The following PTPRG variants were observed in gnomAD, a reference collection of about 807,000 sequenced individuals.
PTPRG encodes protein tyrosine phosphatase receptor type G, also known as receptor-type tyrosine-protein phosphatase gamma.
In PTPRG, 102 loss-of-function variants were observed where a neutral mutation model predicts 165.3. That is an observed-to-expected ratio of 0.62 (90% CI 0.53 to 0.73). The LOEUF (loss-of-function observed/expected upper bound fraction) is 0.73, where lower values mean the gene tolerates loss of function less well. PTPRG is among the 30% of genes least tolerant of loss of function. The pLI, the probability that PTPRG is intolerant of heterozygous loss-of-function variation, is 0.00. For synonymous variants in PTPRG, 675 were observed against 669.5 expected (o/e 1.01, Z -0.13); for missense variants, 1,866 against 1,861.4 (o/e 1.00, Z -0.05).
Position 62,210,259 on chromosome 3 carries a change from A to G in PTPRG, c.2155+6309A>G, listed in dbSNP as rs979093009. 6.6e-6 allele frequency among the ~76,000 whole-genome samples: 1 copy of G among 152,334 alleles called. No homozygotes were observed. The highest frequency in any genetic ancestry group is 2.4e-5 in the African/African-American group (1 of 41,584). ...AGCCAGTGTCCTGTTGCAAGAGAAC[A>G]TATTTATTTGTAACTGATGAACAAT... On this transcript the variant is annotated intron_variant, in intron 12 of 29. Transcript: ENST00000474889. This position sits in a 1 kb window ranked among gnomAD's most constrained non-coding sequence, Gnocchi z 4.1.
chr3:62,027,052 G>GAGTC (rs2041821456), intron 4 of PTPRG, among the ~76,000 whole-genome samples: 1 of 152,022 alleles, frequency 6.6e-6, no homozygotes, highest in African/African-American at 2.4e-5. Flanking sequence ...AAATCATTTA[G>GAGTC]AGTCAGTATA....
At chr3:61,564,375 G>T (rs997281319) in intron 1 of PTPRG, among the ~76,000 whole-genome samples, 1 of 152,144 alleles carries the variant, frequency 6.6e-6, no homozygotes, top group East Asian at 1.9e-4. Flanking sequence ...GCAGTCAGTG[G>T]GCTGACCGTG....
chr3:62,259,912 G>C (rs877900), intron 16 of PTPRG, among the ~76,000 whole-genome samples: 24,941 of 152,106 alleles, frequency 0.16, 2,351 homozygotes, highest in Non-Finnish European at 0.2. Flanking sequence ...TGGGAAGGGT[G>C]GGGAAGATAA....
intron 2 of PTPRG, among the ~76,000 whole-genome samples, chr3:61,944,222 C>T (rs1159154056): frequency 2.0e-5 from 3 of 152,188 alleles, no homozygotes; most frequent in African/African-American, 7.2e-5. Context: ...CGAAGCCTCC[C>T]TAAACATTGC....
chr3:62,191,738 C>G, intron 9 of PTPRG, 85 bp downstream of exon 9: 1 of 1,326,394 alleles, frequency 7.5e-7, no homozygotes. Context: ...GCACAGTGTG[C>G]CAGCTCTGTG....
At chr3:61,828,362 A>C (rs899952741) in intron 2 of PTPRG, among the ~76,000 whole-genome samples, 6 of 152,246 alleles carry the variant, frequency 3.9e-5, no homozygotes, top group Admixed American at 3.3e-4. Context: ...CATGTGTTGC[A>C]CAACTATAAC....
At chr3:62,267,351 A>C (rs949705367) in intron 17 of PTPRG, 59 bp from the exon 18 acceptor site, 159 of 1,270,154 alleles carry the variant, frequency 1.3e-4, no homozygotes, top group Non-Finnish European at 1.7e-4. Flanking sequence ...GTGCTTTAGA[A>C]TGGTGCTAGT....
intron 1 of PTPRG, among the ~76,000 whole-genome samples, chr3:61,643,433 G>T (rs558474611): frequency 1.4e-4 from 21 of 152,126 alleles, no homozygotes; most frequent in Non-Finnish European, 2.6e-4. Flanking sequence ...CAAAATTAGG[G>T]GAGAGTTGTT....
rs1702501276 is a variant in PTPRG, at chr3:62,282,750, G to A, written c.3936G>A (p.Arg1312=). The change falls in exon 28 of 30, where the codon CGG becomes CGA. Residue 1312 remains arginine (R), a synonymous_variant. Coordinates refer to ENST00000474889, the MANE Select transcript of PTPRG (RefSeq NM_002841.4). ...AGGATGACTATGTCTTAGAAGTTCG[G>A]CACTTTCAGTGTCCCAAATGGCCTA... is the stretch of plus-strand genomic sequence containing the variant. ...ATQDDYVLEV[R]HFQCPKWPNP... is the part of the protein sequence containing the mutation. 6.2e-7 allele frequency: 1 copy of A among 1,611,634 alleles called. No individual in the cohort carries two copies. The highest frequency in any genetic ancestry group is 1.7e-5 in the Admixed American group (1 of 59,610).
chr3:61,650,519 A>G (rs996059749), intron 1 of PTPRG, among the ~76,000 whole-genome samples: 18 of 152,202 alleles, frequency 1.2e-4, no homozygotes, highest in African/African-American at 4.1e-4. Flanking sequence ...TTATCCAACC[A>G]TTGGATGTGC....
At chr3:61,893,761 C>T (rs554160744) in intron 2 of PTPRG, among the ~76,000 whole-genome samples, 1 of 152,288 alleles carries the variant, frequency 6.6e-6, no homozygotes, top group South Asian at 2.1e-4. Flanking sequence ...GTTGATTGGA[C>T]TTGGATTCTT....
At chr3:61,562,463 C>A in intron 1 of PTPRG, 91 bp downstream of exon 1, 2 of 1,256,292 alleles carry the variant, frequency 1.6e-6, no homozygotes, top group South Asian at 1.2e-5. Context: ...CGGCGCCCGT[C>A]CGGGAGACCC....
At chr3:61,682,379 A>G (rs1053295387) in intron 1 of PTPRG, among the ~76,000 whole-genome samples, 5 of 152,188 alleles carry the variant, frequency 3.3e-5, no homozygotes, top group African/African-American at 1.2e-4. Flanking sequence ...TGGTTGAGGA[A>G]TAAATATGTG....
chr3:62,100,060 G>A (rs1576002452), intron 5 of PTPRG, among the ~76,000 whole-genome samples: 1 of 152,126 alleles, frequency 6.6e-6, no homozygotes, highest in Middle Eastern at 3.4e-3. Context: ...GCCTCCCAAA[G>A]TGGATAAATC....
chr3:61,808,452 T>C (rs774691312), intron 2 of PTPRG, among the ~76,000 whole-genome samples: 9 of 152,040 alleles, frequency 5.9e-5, no homozygotes, highest in Non-Finnish European at 1.2e-4. Context: ...ATAAATCATA[T>C]GTAGGTGGGC....
intron 15 of PTPRG, among the ~76,000 whole-genome samples, chr3:62,250,849 T>C (rs1036261481): frequency 1.3e-5 from 2 of 152,136 alleles, no homozygotes; most frequent in African/African-American, 4.8e-5. Context: ...CAAAAGTACA[T>C]AAGAAGGTTT....
chr3:61,596,712 T>C (rs191367665), intron 1 of PTPRG, among the ~76,000 whole-genome samples: 3 of 152,250 alleles, frequency 2.0e-5, no homozygotes, highest in African/African-American at 7.2e-5. Context: ...GTTTCCTTTT[T>C]CACAAGTAGA....
At position 62,009,651 on chromosome 3, in the gene PTPRG, G is replaced by A. The variant is rs147034270; in HGVS notation, c.519+6154G>A. Among the ~76,000 whole-genome samples, 212 of 152,260 alleles carry A rather than the reference G, an allele frequency of 1.4e-3. 1 individual carries two copies. The highest frequency in any genetic ancestry group is 3.4e-3 in the Middle Eastern group (1 of 294). On this transcript the variant is annotated intron_variant, in intron 4 of 29. Transcript: ENST00000474889. ...TAATGACCCCTAGGTTATGGCTCAG[G>A]TAAGAGAATGTGTTCCTTGTCTCTG...
Position 62,203,393 on chromosome 3 carries a change from T to A in PTPRG, c.1598T>A (p.Val533Glu). 1 of 1,613,446 alleles carries A rather than the reference T, an allele frequency of 6.2e-7. No homozygotes were observed. Among genetic ancestry groups the A allele is most frequent in the Non-Finnish European group, 8.5e-7 (1 of 1,179,920 alleles). ...GGGISSFPST[V>E]WPTRLPTAAS... ...GGCATCTCCTCTTTCCCCAGCACTG[T>A]GTGGCCCACGCGCCTCCCGACGGCC... The change falls in exon 12 of 30, where the codon GTG becomes GAG. Residue 533 changes from valine (V) to glutamate (E), a missense_variant. By Grantham distance (121) the Val-to-Glu change is moderately radical. Coordinates refer to ENST00000474889, the MANE Select transcript of PTPRG (RefSeq NM_002841.4). This position sits in a 1 kb window ranked among gnomAD's most constrained non-coding sequence, Gnocchi z 6.4.
Sources: allele counts gnomAD v4.1 joint callset (sites outside exome capture counted in the v4.1 genomes callset), GRCh38; gene constraint gnomAD v4.1.1; non-coding constraint Gnocchi (gnomAD v3.1); transcripts MANE v1.5; gene names NCBI Gene and HGNC (gene_info 2026-07-23, HGNC 2026-07-21).